Variants in FAM184B observed in about 807,000 individuals in gnomAD.
FAM184B encodes the protein protein FAM184B.
A neutral mutation model predicts 135.9 loss-of-function variants in FAM184B; 111 were observed. That is an observed-to-expected ratio of 0.82 (90% CI 0.70 to 0.96). The LOEUF (loss-of-function observed/expected upper bound fraction) is 0.96, where lower values mean the gene tolerates loss of function less well. Among genes scored for constraint, FAM184B ranks in the 40% least tolerant of loss-of-function variants. The probability of loss-of-function intolerance (pLI) is 0.00; values close to 1 mark genes in which losing one functional copy is unlikely to be tolerated. For missense variants in FAM184B, 1,375 were observed against 1,323.9 expected, an observed-to-expected ratio of 1.04 and a Z score of -0.60; for synonymous variants, 552 against 524.8, an observed-to-expected ratio of 1.05 and a Z score of -0.71.
chr4:17,709,619 T>G lies in FAM184B; in HGVS notation c.167A>C (p.Gln56Pro). ...CTCCATGCTGGCCTCAGCCTCATCC[T>G]GGCGGGTGTTCAGGGCATAAATCAC... ...TKVIYALNTR[Q>P]DEAEASMEAL... Residue 56 changes from glutamine (Q) to proline (P), a missense_variant, in exon 2 of 18, where the codon CAG becomes CCG. Coordinates refer to ENST00000265018, the MANE Select transcript of FAM184B (RefSeq NM_015688.2). 6.6e-7 allele frequency: 1 copy of G among 1,522,704 alleles called. No individual in the cohort carries two copies. Among genetic ancestry groups the G allele is most frequent in the Non-Finnish European group, 8.8e-7 (1 of 1,136,044 alleles). The allele number at this position is 1,522,704 out of a possible 1,614,324, so 94.3% of individuals were successfully genotyped here.
At chr4:17,695,562 TGAGGTAA>T (rs1168235068) in intron 5 of FAM184B, among the ~76,000 whole-genome samples, 2 of 152,038 alleles carry the variant, frequency 1.3e-5, no homozygotes, top group Non-Finnish European at 1.5e-5. Context: ...TGGTGGTAAC[TGAGGTAA>T]GAGTGATGGT....
At position 17,709,569 on chromosome 4, in the gene FAM184B, CCTCCTGGTGCGCTT is replaced by C; in HGVS notation, c.203_216del (p.Glu68GlyfsTer49). ...GTCTCTGCCACCGCATTCTGGAGCT[CCTCCTGGTGCGCTT>C]CCCGCAGCGCCTCCATGCTGGCCTC... On this transcript the variant is annotated frameshift_variant, in exon 2 of 18. Transcript: ENST00000265018. LOFTEE classifies it high-confidence loss of function. The C allele has an allele frequency of 1.3e-6, 2 of 1,549,872 alleles. No individual in the cohort carries two copies. Among genetic ancestry groups the C allele is most frequent in the Non-Finnish European group, 1.7e-6 (2 of 1,146,674 alleles).
chr4:17,744,491 C>A (rs56274838), intron 1 of FAM184B, among the ~76,000 whole-genome samples: 63,822 of 109,298 alleles, frequency 0.58, 16,451 homozygotes, highest in Non-Finnish European at 0.69. Context: ...ACACACACAC[C>A]ACACACACAC....
intron 1 of FAM184B, among the ~76,000 whole-genome samples, chr4:17,748,502 G>A (rs1718224334): frequency 8.8e-6 from 1 of 113,938 alleles, no homozygotes; most frequent in South Asian, 3.0e-4. Context: ...ATCCTCTTGT[G>A]TAATTTTTTT....
In FAM184B at chr4:17,709,264, GC is replaced by G. The variant is rs1199275020; in HGVS notation, c.521del (p.Gly174AlafsTer25). ...HLTSHEATPQ[G>X]RLPQESPETK... ...TTTCAGGGCTCTCCTGGGGCAGCCG[GC>G]CCTGCGGGGTAGCCTCGTGGCTCGT... On this transcript the variant is annotated frameshift_variant, in exon 2 of 18. Transcript: ENST00000265018. LOFTEE classifies it high-confidence loss of function. 6.5e-7 allele frequency: 1 copy of G among 1,547,522 alleles called. No homozygotes were observed. The highest frequency in any genetic ancestry group is 8.7e-7 in the Non-Finnish European group (1 of 1,144,876).
At chr4:17,765,048 C>T (rs888499235) in intron 1 of FAM184B, among the ~76,000 whole-genome samples, 15 of 152,128 alleles carry the variant, frequency 9.9e-5, no homozygotes, top group African/African-American at 3.4e-4. Context: ...GGCAACAGAG[C>T]AAGACCCTGT....
At chr4:17,746,893 C>T (rs1718179824) in intron 1 of FAM184B, among the ~76,000 whole-genome samples, 1 of 151,580 alleles carries the variant, frequency 6.6e-6, no homozygotes, top group Non-Finnish European at 1.5e-5. Context: ...CAAAAATTAG[C>T]TGGTTATGGT....
Position 17,781,323 on chromosome 4 carries a change from G to C in FAM184B, c.-24C>G. 6.6e-7 allele frequency: 1 copy of C among 1,508,306 alleles called. No homozygotes were observed. The highest frequency in any genetic ancestry group is 8.9e-7 in the Non-Finnish European group (1 of 1,121,420). The allele number at this position is 1,508,306 out of a possible 1,614,324, so 93.4% of individuals were successfully genotyped here. A position where few individuals can be genotyped will look rare whatever the true frequency, so the allele number is the denominator to read the frequency against. On this transcript the variant is annotated 5_prime_UTR_variant, in exon 1 of 18. Transcript: ENST00000265018. This position sits in a 1 kb window ranked among gnomAD's most constrained non-coding sequence, Gnocchi z 6.5. ...ATCGCTAAAACGCGCCCAGCACTCAGACTCTCTCGTTTTCTCCCTGCCCAC... is the reference window on the plus strand; with the variant it reads ...ATCGCTAAAACGCGCCCAGCACTCACACTCTCTCGTTTTCTCCCTGCCCAC...
chr4:17,674,355 C>G (rs947579961), intron 7 of FAM184B, among the ~76,000 whole-genome samples: 11 of 151,990 alleles, frequency 7.2e-5, no homozygotes, highest in African/African-American at 2.7e-4. Flanking sequence ...ATTAAGTGTG[C>G]AATAATCTTA....
At chr4:17,701,116 G>A (rs970396244) in intron 5 of FAM184B, among the ~76,000 whole-genome samples, 1 of 152,208 alleles carries the variant, frequency 6.6e-6, no homozygotes, top group African/African-American at 2.4e-5. Flanking sequence ...CTGGTTGTTT[G>A]ACTAGATCTT....
intron 10 of FAM184B, among the ~76,000 whole-genome samples, chr4:17,653,512 C>T (rs1195664120): frequency 6.6e-6 from 1 of 151,108 alleles, no homozygotes; most frequent in Non-Finnish European, 1.5e-5. Flanking sequence ...GTGTCTCTGT[C>T]CTTGGGTTCA....
intron 14 of FAM184B, among the ~76,000 whole-genome samples, chr4:17,638,134 C>CT (rs56926847): frequency 0.051 from 3,739 of 73,012 alleles, 277 homozygotes; most frequent in Non-Finnish European, 0.073. Context: ...TAACTGTTTG[C>CT]TTTTTTTTTT....
At chr4:17,634,266 C>CT (rs1715057908) in intron 16 of FAM184B, among the ~76,000 whole-genome samples, 1 of 152,188 alleles carries the variant, frequency 6.6e-6, no homozygotes, top group South Asian at 2.1e-4. Flanking sequence ...TACATAAAAA[C>CT]TACACGAGAT....
chr4:17,742,534 C>T (rs998144268), intron 1 of FAM184B, among the ~76,000 whole-genome samples: 1 of 152,088 alleles, frequency 6.6e-6, no homozygotes, highest in African/African-American at 2.4e-5. Flanking sequence ...CCTTTTTGGC[C>T]TGCCTCGCCC....
intron 10 of FAM184B, among the ~76,000 whole-genome samples, chr4:17,655,609 T>C (rs1311360683): frequency 6.6e-6 from 1 of 152,182 alleles, no homozygotes; most frequent in Non-Finnish European, 1.5e-5. Context: ...CCAAATACCT[T>C]AGACAACTCC....
chr4:17,741,512 G>C (rs1718031425), intron 1 of FAM184B, among the ~76,000 whole-genome samples: 3 of 152,038 alleles, frequency 2.0e-5, no homozygotes, highest in African/African-American at 7.2e-5. Context: ...TGGCCAACAT[G>C]ATGAAACCCC....
At chr4:17,775,257 C>T (rs1718903215) in intron 1 of FAM184B, among the ~76,000 whole-genome samples, 1 of 152,100 alleles carries the variant, frequency 6.6e-6, no homozygotes, top group South Asian at 2.1e-4. Flanking sequence ...GCTGTCTTGG[C>T]TCACTGCAAC....
chr4:17,684,540 A>T (rs997357831), intron 7 of FAM184B, among the ~76,000 whole-genome samples: 4 of 152,230 alleles, frequency 2.6e-5, no homozygotes, highest in Non-Finnish European at 4.4e-5. Flanking sequence ...CTGTTACTAA[A>T]TGTCCACATT....
At chr4:17,758,482 T>C (rs1027030926) in intron 1 of FAM184B, among the ~76,000 whole-genome samples, 3 of 152,198 alleles carry the variant, frequency 2.0e-5, no homozygotes, top group Non-Finnish European at 4.4e-5. Context: ...GTGAAGACAA[T>C]TTAGATGGCT....
Sources: gnomAD v4.1 joint callset for allele counts (sites outside exome capture counted in the v4.1 genomes callset) on GRCh38, gnomAD v4.1.1 for gene constraint, Gnocchi (gnomAD v3.1) non-coding constraint, MANE v1.5 for transcripts, NCBI Gene and HGNC (gene_info 2026-07-23, HGNC 2026-07-21) for gene names.